Variants in USP7 observed in about 807,000 individuals in gnomAD.
USP7 encodes ubiquitin specific peptidase 7, also known as ubiquitin C-terminal hydrolase 7.
In USP7, 9 loss-of-function variants were observed where a neutral mutation model predicts 162.9. The observed-to-expected ratio is 0.06, with a 90% confidence interval of 0.03 to 0.10. The LOEUF (loss-of-function observed/expected upper bound fraction) is 0.10, where lower values mean the gene tolerates loss of function less well. USP7 is among the 10% of genes least tolerant of loss of function. The probability of loss-of-function intolerance (pLI) is 1.00; values close to 1 mark genes in which losing one functional copy is unlikely to be tolerated. For synonymous variants in USP7, 562 were observed against 475.9 expected (o/e 1.18, Z -2.35); for missense variants, 715 against 1,373.7 (o/e 0.52, Z 7.58).
At chr16:8,907,134 G>A (rs74010309) in intron 12 of USP7, among the ~76,000 whole-genome samples, 1 of 152,296 alleles carries the variant, frequency 6.6e-6, no homozygotes, top group African/African-American at 2.4e-5. Context: ...CAGCCCCTGC[G>A]GCCTTCAGGA....
rs529514546 is a variant in USP7, at chr16:8,903,331, A to G, written c.1776T>C (p.Thr592=). The G allele has an allele frequency of 6.2e-7, 1 of 1,614,208 alleles. No individual in the cohort carries two copies. Among genetic ancestry groups the G allele is most frequent in the Admixed American group, 1.7e-5 (1 of 60,026 alleles). The change falls in exon 16 of 31, where the codon ACT becomes ACC. Residue 592 remains threonine, a synonymous_variant. Transcript: ENST00000344836. ...AGGAGTTCTTCAATACTTTGAACACAGTGTATTTCACTTTTTCTTCATCGT... is the reference window on the plus strand; with the variant it reads ...AGGAGTTCTTCAATACTTTGAACACGGTGTATTTCACTTTTTCTTCATCGT... ...DMYDEEKVKY[T]VFKVLKNSSL...
At chr16:8,902,257 C>A in intron 17 of USP7, 70 bp from the exon 18 acceptor site, 1 of 1,587,200 alleles carries the variant, frequency 6.3e-7, no homozygotes, top group South Asian at 1.1e-5. Context: ...AAACTACAGT[C>A]AAGTATTGAA....
chr16:8,939,600 C>T (rs1211185921), intron 1 of USP7, among the ~76,000 whole-genome samples: 1 of 152,214 alleles, frequency 6.6e-6, no homozygotes, highest in Non-Finnish European at 1.5e-5. Context: ...AAGGAGAAAT[C>T]AACTGGCCTT....
intron 10 of USP7, among the ~76,000 whole-genome samples, chr16:8,911,386 T>C (rs1250465938): frequency 1.3e-5 from 2 of 152,158 alleles, no homozygotes; most frequent in Admixed American, 1.3e-4. Flanking sequence ...ACTATTTCCC[T>C]AAAATTAAGA....
chr16:8,943,969 A>T (rs1483558441), intron 1 of USP7, among the ~76,000 whole-genome samples: 1 of 152,204 alleles, frequency 6.6e-6, no homozygotes, highest in Non-Finnish European at 1.5e-5. Flanking sequence ...GTTTTAAAGC[A>T]AAACTATAAG....
chr16:8,894,265 C>T (rs1375015252), intron 30 of USP7, among the ~76,000 whole-genome samples, 161 bp from the exon 31 acceptor site: 2 of 152,178 alleles, frequency 1.3e-5, no homozygotes, highest in African/African-American at 4.8e-5. Flanking sequence ...TAAGGAGGCC[C>T]ACACCCTGAC....
Position 8,963,211 on chromosome 16 carries a change from C to T in USP7, c.75G>A (p.Met25Ile), listed in dbSNP as rs1186067195. Residue 25 changes from methionine to isoleucine, a missense_variant, in exon 1 of 31, where the codon ATG becomes ATA. Around this residue, in one of 11 missense-constraint regions of USP7, gnomAD observed 137 missense variants for 123.5 expected, o/e 1.11. Transcript: ENST00000344836. ...QQLSEPEDMEMEAGDTDDPPR... is the reference protein window; with the variant it reads ...QQLSEPEDMEIEAGDTDDPPR... ...CGGCCGGCCCTCGGGCCTCACCTTCCATCTCCATGTCCTCGGGCTCGCTCA... is the reference window on the plus strand; with the variant it reads ...CGGCCGGCCCTCGGGCCTCACCTTCTATCTCCATGTCCTCGGGCTCGCTCA... The T allele has an allele frequency of 2.8e-6, 4 of 1,418,954 alleles. No homozygotes were observed. The highest frequency in any genetic ancestry group is 1.3e-5 in the South Asian group (1 of 76,812). 87.9% of individuals were successfully genotyped at this position (1,418,954 alleles called of 1,614,324 possible). A position where few individuals can be genotyped will look rare whatever the true frequency, so the allele number is the denominator to read the frequency against.
intron 6 of USP7, among the ~76,000 whole-genome samples, chr16:8,918,331 A>T (rs1897492092): frequency 6.6e-6 from 1 of 152,068 alleles, no homozygotes; most frequent in Admixed American, 6.5e-5. Context: ...TCAAAATAGA[A>T]CTAACTCATC....
chr16:8,892,427 T>C lies in USP7; in HGVS notation c.*1571A>G, dbSNP rs2061611784. On this transcript the variant is annotated 3_prime_UTR_variant, in exon 31 of 31. Transcript: ENST00000344836. Reference sequence around the variant, plus strand: ...CACTGGCCCAAAGACCAGGAAACCGTGCCACGGAGCTGGAAGGCAAGGCCG... The same window carrying C: ...CACTGGCCCAAAGACCAGGAAACCGCGCCACGGAGCTGGAAGGCAAGGCCG... 1 of 152,212 alleles carries C rather than the reference T, an allele frequency of 6.6e-6. No individual in the cohort carries two copies. Among genetic ancestry groups the C allele is most frequent in the African/African-American group, 2.4e-5 (1 of 41,422 alleles). The allele number at this position is 152,212 out of a possible 1,614,324, so 9.4% of individuals were successfully genotyped here.
At chr16:8,920,586 T>C in intron 4 of USP7, 139 bp from the exon 5 acceptor site, 1 of 703,820 alleles carries the variant, frequency 1.4e-6, no homozygotes, top group South Asian at 2.1e-5. Context: ...TTTTGCTAAT[T>C]TTAGACTGTT....
intron 1 of USP7, among the ~76,000 whole-genome samples, chr16:8,951,259 T>TGTCAGGGAAAGAGGCCCACATGGAAAATA (rs1899533702): frequency 1.4e-3 from 1 of 740 alleles, no homozygotes; most frequent in Admixed American, 0.036. Flanking sequence ...ATATTTAATC[T>TGTCAGGGAAAGAGGCCCACATGGAAAATA]TTAAAATCTG....
chr16:8,939,201 T>A (rs923914839), intron 1 of USP7, among the ~76,000 whole-genome samples: 1 of 152,214 alleles, frequency 6.6e-6, no homozygotes, highest in African/African-American at 2.4e-5. Flanking sequence ...ACAGTTAAGA[T>A]CCTGAACAGT....
chr16:8,963,182 G>A, intron 1 of USP7, 25 bp downstream of exon 1: 2 of 1,398,652 alleles, frequency 1.4e-6, no homozygotes, highest in South Asian at 1.3e-5. Flanking sequence ...CCCCGGCCCC[G>A]CCGCGGCCGG....
At chr16:8,912,867 G>A (rs1333295247) in intron 10 of USP7, among the ~76,000 whole-genome samples, 1 of 151,992 alleles carries the variant, frequency 6.6e-6, no homozygotes, top group Non-Finnish European at 1.5e-5. Flanking sequence ...AATTTAAAAA[G>A]TTTGAAAATG....
chr16:8,930,110 G>C (rs530274969), intron 2 of USP7, among the ~76,000 whole-genome samples, 183 bp downstream of exon 2: 1 of 152,240 alleles, frequency 6.6e-6, no homozygotes, highest in African/African-American at 2.4e-5. Flanking sequence ...TACTTACCTG[G>C]CAATGGTGTA....
Position 8,930,376 on chromosome 16 carries a change from G to C in USP7, c.101C>G (p.Pro34Arg). ...EMEAGDTDDP[P>R]RITQNPVING... ...GATCACAGGGTTCTGAGTAATTCTT[G>C]GTGGGTCATCTGTATCTCCCGCTTT... Residue 34 changes from proline (P) to arginine (R), a missense_variant, in exon 2 of 31, where the codon CCA becomes CGA. Pro to Arg is a moderately radical substitution (Grantham distance 103). This residue lies in a region of USP7 where 137 missense variants were observed against 123.5 expected (regional missense o/e 1.11). Coordinates refer to ENST00000344836, the MANE Select transcript of USP7 (RefSeq NM_003470.3). 6.2e-6 allele frequency: 10 copies of C among 1,611,166 alleles called. No homozygotes were observed. The highest frequency in any genetic ancestry group is 8.5e-6 in the Non-Finnish European group (10 of 1,178,638).
At chr16:8,928,399 G>T (rs1346185519) in intron 2 of USP7, among the ~76,000 whole-genome samples, 1 of 152,174 alleles carries the variant, frequency 6.6e-6, no homozygotes, top group Non-Finnish European at 1.5e-5. Flanking sequence ...AACTTATTTT[G>T]GATAAGCAAT....
intron 12 of USP7, among the ~76,000 whole-genome samples, chr16:8,906,806 C>T (rs911547015): frequency 2.0e-5 from 3 of 152,066 alleles, no homozygotes; most frequent in Non-Finnish European, 4.4e-5. Flanking sequence ...TGGAGGAATT[C>T]CAAATATATC....
At chr16:8,907,289 A>G (rs532744799) in intron 12 of USP7, among the ~76,000 whole-genome samples, 55 of 152,342 alleles carry the variant, frequency 3.6e-4, no homozygotes, top group African/African-American at 1.2e-3. Context: ...AAACATACCA[A>G]CAGGTTGGAA....
Sources: gnomAD v4.1 joint callset for allele counts (sites outside exome capture counted in the v4.1 genomes callset) on GRCh38, gnomAD v4.1.1 for gene constraint, gnomAD v4.1.1 regional missense constraint, MANE v1.5 for transcripts, NCBI Gene and HGNC (gene_info 2026-07-23, HGNC 2026-07-21) for gene names.